DLG2: variants seen among roughly 807,000 people sequenced by gnomAD.
DLG2 encodes the protein disks large homolog 2.
In DLG2, 45 loss-of-function variants were observed where a neutral mutation model predicts 132.5. The ratio of observed to expected loss-of-function variants is 0.34; its 90% CI spans 0.27 to 0.44. The LOEUF (loss-of-function observed/expected upper bound fraction) is 0.44. DLG2 is among the 20% of genes least tolerant of loss of function. The pLI is 1.00. For synonymous variants in DLG2, 424 were observed against 419.6 expected, an observed-to-expected ratio of 1.01 and a Z score of -0.13; for missense variants, 1,045 against 1,196.9, an observed-to-expected ratio of 0.87 and a Z score of 1.87.
intron 6 of DLG2, among the ~76,000 whole-genome samples, chr11:84,881,584 G>T (rs570571007): frequency 3.3e-5 from 5 of 151,710 alleles, no homozygotes; most frequent in Non-Finnish European, 7.4e-5. Context: ...CTCACACCCT[G>T]TTGGATGCTT....
intron 6 of DLG2, among the ~76,000 whole-genome samples, chr11:85,053,807 A>AG (rs2063158599): frequency 1.3e-5 from 2 of 151,084 alleles, no homozygotes; most frequent in Non-Finnish European, 1.5e-5. Flanking sequence ...AAAAAAAAAA[A>AG]AAAAAAAAAA....
At chr11:84,041,635 T>C (rs967563028) in intron 11 of DLG2, among the ~76,000 whole-genome samples, 2 of 152,072 alleles carry the variant, frequency 1.3e-5, no homozygotes, top group Admixed American at 1.3e-4. Flanking sequence ...AGTGACATCA[T>C]TTAATGAATA....
chr11:84,189,927 C>T (rs1486924894), intron 8 of DLG2, among the ~76,000 whole-genome samples: 2 of 151,422 alleles, frequency 1.3e-5, no homozygotes. Flanking sequence ...CCATGGCACA[C>T]GTTTCCCTAT....
chr11:83,784,593 T>A (rs967595568), intron 18 of DLG2, among the ~76,000 whole-genome samples: 2 of 152,256 alleles, frequency 1.3e-5, no homozygotes, highest in African/African-American at 4.8e-5. Context: ...TTATAGGACA[T>A]GCTTTGAACA....
intron 22 of DLG2, among the ~76,000 whole-genome samples, chr11:83,480,913 T>C (rs1440670315): frequency 6.6e-6 from 1 of 152,120 alleles, no homozygotes; most frequent in African/African-American, 2.4e-5. Flanking sequence ...TTGAATTTTA[T>C]TTCTATTTAA....
intron 6 of DLG2, among the ~76,000 whole-genome samples, chr11:84,759,671 T>C (rs961170541): frequency 5.9e-5 from 9 of 152,318 alleles, no homozygotes; most frequent in African/African-American, 2.2e-4. Flanking sequence ...AAAGTGGCCC[T>C]AATAAAAACA....
At chr11:84,647,926 A>T (rs191936966) in intron 6 of DLG2, among the ~76,000 whole-genome samples, 24 of 152,324 alleles carry the variant, frequency 1.6e-4, no homozygotes, top group Non-Finnish European at 1.8e-4. Context: ...GGCACTTACC[A>T]TGTGATAGTT....
rs1313208569 is a variant in DLG2, at chr11:85,626,763, A to G, written c.-259-10T>C. On this transcript the variant is annotated splice_polypyrimidine_tract_variant and intron_variant, in intron 1 of 27. Transcript: ENST00000376104. ...ATCCAGGCTGAGTCTTCTATGTCAG[A>G]CAAAGAAAATAATGATGTATTTTTT... 1 of 152,236 alleles carries G rather than the reference A, an allele frequency of 6.6e-6. No homozygotes were observed. The highest frequency in any genetic ancestry group is 1.5e-5 in the Non-Finnish European group (1 of 68,046). 9.4% of individuals were successfully genotyped at this position (152,236 alleles called of 1,614,324 possible). A position where few individuals can be genotyped will look rare whatever the true frequency, so the allele number is the denominator to read the frequency against.
chr11:84,382,190 G>A (rs944591194), intron 7 of DLG2, among the ~76,000 whole-genome samples: 1 of 151,974 alleles, frequency 6.6e-6, no homozygotes, highest in African/African-American at 2.4e-5. Flanking sequence ...CTAGTTCTTC[G>A]TCACTGGATT....
intron 21 of DLG2, among the ~76,000 whole-genome samples, chr11:83,498,751 A>G (rs1031310947): frequency 2.7e-5 from 4 of 147,472 alleles, no homozygotes; most frequent in South Asian, 2.2e-4. Context: ...AAAAATTAAC[A>G]AAACAAAGTG....
At chr11:84,954,032 A>C (rs2051301879) in intron 6 of DLG2, among the ~76,000 whole-genome samples, 1 of 151,894 alleles carries the variant, frequency 6.6e-6, no homozygotes, top group Admixed American at 6.6e-5. Flanking sequence ...AACCATTATC[A>C]CATTTACCTT....
intron 6 of DLG2, chr11:84,923,120 G>T: frequency 3.1e-6 from 5 of 1,613,784 alleles, no homozygotes; most frequent in Non-Finnish European, 4.2e-6. Context: ...AAAGAACATT[G>T]CAGTAAATAA....
chr11:83,574,614 T>G (rs190519013), intron 19 of DLG2, among the ~76,000 whole-genome samples: 1 of 152,292 alleles, frequency 6.6e-6, no homozygotes, highest in Non-Finnish European at 1.5e-5. Context: ...GTATTATAGG[T>G]TCACTGTATC....
At chr11:83,710,303 C>T (rs2085104537) in intron 18 of DLG2, among the ~76,000 whole-genome samples, 1 of 152,046 alleles carries the variant, frequency 6.6e-6, no homozygotes, top group South Asian at 2.1e-4. Context: ...GCTTGGACTA[C>T]AGGTACCCGC....
At chr11:84,298,107 T>G (rs1432978125) in intron 7 of DLG2, among the ~76,000 whole-genome samples, 3 of 152,200 alleles carry the variant, frequency 2.0e-5, no homozygotes, top group Non-Finnish European at 4.4e-5. Flanking sequence ...ACTTGTTAAC[T>G]TTCATATTTC....
At chr11:83,850,320 A>T (rs1310708473) in intron 16 of DLG2, among the ~76,000 whole-genome samples, 1 of 151,886 alleles carries the variant, frequency 6.6e-6, no homozygotes, top group African/African-American at 2.4e-5. Flanking sequence ...CTCCCGGCTA[A>T]TTTTTTGTAT....
At chr11:84,029,732 C>T (rs565027938) in intron 11 of DLG2, among the ~76,000 whole-genome samples, 31 of 152,126 alleles carry the variant, frequency 2.0e-4, no homozygotes, top group African/African-American at 4.1e-4. Context: ...TCTCACACTT[C>T]ACTAGGTTTA....
chr11:83,472,173 T>C (rs1285169042), intron 23 of DLG2, among the ~76,000 whole-genome samples: 2 of 152,132 alleles, frequency 1.3e-5, no homozygotes, highest in Non-Finnish European at 2.9e-5. Flanking sequence ...AAATACTCTC[T>C]ATACTTTGCT....
chr11:83,846,940 CCAAA>C (rs1426382469), intron 16 of DLG2, among the ~76,000 whole-genome samples: 14,724 of 57,994 alleles, frequency 0.25, 1,122 homozygotes, highest in Non-Finnish European at 0.38. Context: ...ATCTCCCAAG[CCAAA>C]AAAAAAAAAA....
Sources: allele counts gnomAD v4.1 joint callset (sites outside exome capture counted in the v4.1 genomes callset), GRCh38; gene constraint gnomAD v4.1.1; transcripts MANE v1.5; gene names NCBI Gene and HGNC (gene_info 2026-07-23, HGNC 2026-07-21).